Variants in TRHDE observed in about 807,000 individuals in gnomAD.
TRHDE encodes the protein thyrotropin-releasing hormone-degrading ectoenzyme.
A neutral mutation model predicts 125.7 loss-of-function variants in TRHDE; 72 were observed. The observed-to-expected ratio is 0.57, with a 90% CI of 0.47 to 0.70. TRHDE has a LOEUF of 0.70. Ranked by LOEUF, TRHDE falls within the 30% of genes least tolerant of loss-of-function variation. The pLI is 0.00. For missense variants in TRHDE, 1,110 were observed against 1,327.1 expected (o/e 0.84, Z 2.54); for synonymous variants, 509 against 509.1 (o/e 1.00, Z 0.00).
chr12:72,477,408 A>T (rs551068280), intron 5 of TRHDE, among the ~76,000 whole-genome samples: 1 of 152,234 alleles, frequency 6.6e-6, no homozygotes, highest in African/African-American at 2.4e-5. Context: ...CCATAGGAAC[A>T]TAAGCCTTAG....
intron 5 of TRHDE, among the ~76,000 whole-genome samples, chr12:72,477,999 A>G (rs1876980252): frequency 6.6e-6 from 1 of 152,208 alleles, no homozygotes; most frequent in African/African-American, 2.4e-5. Context: ...CAAAAACATT[A>G]TAAGTTATAC....
At chr12:72,279,516 A>G (rs887439993) in intron 1 of TRHDE, among the ~76,000 whole-genome samples, 2 of 152,154 alleles carry the variant, frequency 1.3e-5, no homozygotes, top group African/African-American at 4.8e-5. Context: ...ACTTTCTACT[A>G]CAGGAGACTG....
chr12:72,255,844 C>G (rs140376048), intron 2 of TRHDE: 1 of 152,290 alleles, frequency 6.6e-6, no homozygotes, highest in African/African-American at 2.4e-5. Flanking sequence ...CGATAAATGT[C>G]AACTTCATCC....
intron 3 of TRHDE, among the ~76,000 whole-genome samples, chr12:72,447,995 C>T (rs1875383123): frequency 1.3e-5 from 2 of 152,058 alleles, no homozygotes; most frequent in Admixed American, 6.6e-5. Flanking sequence ...AAAAAAGTAG[C>T]TGATTTCCCA....
intron 3 of TRHDE, among the ~76,000 whole-genome samples, chr12:72,416,943 G>A (rs1873755650): frequency 6.6e-6 from 1 of 151,974 alleles, no homozygotes; most frequent in Admixed American, 6.6e-5. Context: ...TGAATCAGCA[G>A]ATTGCTTTGC....
intron 2 of TRHDE, among the ~76,000 whole-genome samples, chr12:72,345,972 A>C (rs1021151355): frequency 1.3e-5 from 2 of 150,984 alleles, no homozygotes; most frequent in Admixed American, 6.6e-5. Flanking sequence ...AGTTTTACTC[A>C]GGAATTTGAG....
chr12:72,644,340 C>T (rs530797581), intron 15 of TRHDE, among the ~76,000 whole-genome samples: 2 of 151,828 alleles, frequency 1.3e-5, no homozygotes, highest in Admixed American at 6.5e-5. Flanking sequence ...AGGGTATCCC[C>T]AGAAGACTGG....
rs1244700718 is a variant in TRHDE, at chr12:72,401,527, C to T, written c.1315+23406C>T. ...AAGTCTGTGTTTTCCTTTACACTGG[C>T]AATTGACAATTTAAAAATGTAATTA... is the stretch of plus-strand genomic sequence containing the variant. On this transcript the variant is annotated intron_variant, in intron 3 of 18. Transcript: ENST00000261180. 2.6e-5 allele frequency among the ~76,000 whole-genome samples: 4 copies of T among 152,118 alleles called. No homozygotes were observed. In the East Asian group the frequency reaches 7.7e-4, roughly 29 times the overall value.
chr12:72,389,773 A>G (rs73146906), intron 3 of TRHDE, among the ~76,000 whole-genome samples: 6,665 of 152,280 alleles, frequency 0.044, 204 homozygotes, highest in Non-Finnish European at 0.066. Flanking sequence ...GGGGGATACA[A>G]TTCAGTACAT....
At chr12:72,639,753 A>G (rs1185086070) in intron 15 of TRHDE, among the ~76,000 whole-genome samples, 1 of 151,876 alleles carries the variant, frequency 6.6e-6, no homozygotes, top group Non-Finnish European at 1.5e-5. Flanking sequence ...CTGTTGGAGT[A>G]CCCGGCCGTG....
At chr12:72,445,439 C>T (rs138047507) in intron 3 of TRHDE, among the ~76,000 whole-genome samples, 1 of 151,850 alleles carries the variant, frequency 6.6e-6, no homozygotes, top group Non-Finnish European at 1.5e-5. Context: ...CAGAGACACT[C>T]CCAACCTGTT....
At chr12:72,435,098 C>T (rs1013828880) in intron 3 of TRHDE, among the ~76,000 whole-genome samples, 2 of 152,168 alleles carry the variant, frequency 1.3e-5, no homozygotes, top group Non-Finnish European at 2.9e-5. Context: ...ATATGTTTGT[C>T]ATTGTTGTCA....
intron 2 of TRHDE, among the ~76,000 whole-genome samples, chr12:72,265,058 G>T (rs889915458): frequency 6.6e-6 from 1 of 151,032 alleles, no homozygotes; most frequent in African/African-American, 2.4e-5. Flanking sequence ...ATTATTATTT[G>T]ATTGTAAACT....
intron 2 of TRHDE, among the ~76,000 whole-genome samples, chr12:72,317,752 A>G (rs1289949669): frequency 6.6e-6 from 1 of 152,182 alleles, no homozygotes; most frequent in Admixed American, 6.5e-5. Flanking sequence ...CCTGCAGAGT[A>G]AGAGTAAGAG....
At chr12:72,211,871 G>C (rs1877790038) in intron 2 of TRHDE, among the ~76,000 whole-genome samples, 1 of 152,064 alleles carries the variant, frequency 6.6e-6, no homozygotes, top group Admixed American at 6.5e-5. Flanking sequence ...ACAAGTACTT[G>C]CTCTTATGCA....
At chr12:72,609,223 T>G (rs1872554029) in intron 12 of TRHDE, among the ~76,000 whole-genome samples, 1 of 152,158 alleles carries the variant, frequency 6.6e-6, no homozygotes, top group South Asian at 2.1e-4. Context: ...GGGTATTCTA[T>G]CCAAAGAAAA....
At chr12:72,286,563 C>A in intron 1 of TRHDE, 118 bp from the exon 2 acceptor site, 1 of 998,034 alleles carries the variant, frequency 1.0e-6, no homozygotes, top group Non-Finnish European at 1.5e-6. Context: ...AAGTTTGGTT[C>A]AGAAAAAAAT....
chr12:72,527,587 A>T (rs1868358590), intron 6 of TRHDE, among the ~76,000 whole-genome samples: 1 of 132,078 alleles, frequency 7.6e-6, no homozygotes, highest in Non-Finnish European at 1.7e-5. Context: ...AAGAGGAGTT[A>T]AAAAAAAAAA....
chr12:72,367,327 G>T (rs1442980657), intron 2 of TRHDE, among the ~76,000 whole-genome samples: 1 of 151,844 alleles, frequency 6.6e-6, no homozygotes, highest in African/African-American at 2.4e-5. Flanking sequence ...CCTCAAACTC[G>T]GCAGTGGCTC....
Sources: gnomAD v4.1 joint callset for allele counts (sites outside exome capture counted in the v4.1 genomes callset) on GRCh38, gnomAD v4.1.1 for gene constraint, MANE v1.5 for transcripts, NCBI Gene and HGNC (gene_info 2026-07-23, HGNC 2026-07-21) for gene names.